DOCK8: variants seen among roughly 807,000 people sequenced by gnomAD.
DOCK8 encodes the protein dedicator of cytokinesis 8.
In DOCK8, 141 loss-of-function variants were observed where a neutral mutation model predicts 245.6. That is an observed-to-expected ratio of 0.57 (90% CI 0.50 to 0.66). The LOEUF is 0.66. Among genes scored for constraint, DOCK8 ranks in the 30% least tolerant of loss-of-function variants. DOCK8 has a pLI of 0.00. For synonymous variants in DOCK8, 1,168 were observed against 970.2 expected, an observed-to-expected ratio of 1.20 and a Z score of -3.79; for missense variants, 2,965 against 2,603.4, an observed-to-expected ratio of 1.14 and a Z score of -3.02.
chr9:400,896 CCCCCACT>C (rs2054994153), intron 26 of DOCK8, among the ~76,000 whole-genome samples: 1 of 110,248 alleles, frequency 9.1e-6, no homozygotes, highest in Admixed American at 9.2e-5. Flanking sequence ...ACCACCACCT[CCCCCACT>C]ACCAACAGCT....
intron 1 of DOCK8, among the ~76,000 whole-genome samples, chr9:226,326 A>G (rs776043739): frequency 9.2e-5 from 14 of 152,190 alleles, no homozygotes; most frequent in African/African-American, 1.4e-4. Flanking sequence ...ATTATCTCGC[A>G]CAACATGTGG....
rs1564078658 is a variant in DOCK8, at chr9:446,442, G to A, written c.5653G>A (p.Glu1885Lys). The A allele has an allele frequency of 6.2e-7, 1 of 1,614,204 alleles. No homozygotes were observed. The highest frequency in any genetic ancestry group is 1.7e-5 in the Admixed American group (1 of 60,024). The change falls in exon 44 of 48, where the codon GAG becomes AAG. Residue 1885 changes from glutamate to lysine, a missense_variant. By Grantham distance (56) the Glu-to-Lys change is moderately conservative (BLOSUM62 1). Coordinates refer to ENST00000432829, the MANE Select transcript of DOCK8 (RefSeq NM_203447.4). ...GATGAAAGACAGGGTCACATACTTT[G>A]AGAAGAATTTCAACCTCCGGAGGTT... ...YEMKDRVTYFEKNFNLRRFMY... is the reference protein window; with the variant it reads ...YEMKDRVTYFKKNFNLRRFMY...
intron 14 of DOCK8, among the ~76,000 whole-genome samples, chr9:349,560 C>T (rs982935286): frequency 6.6e-6 from 1 of 152,174 alleles, no homozygotes. Flanking sequence ...AGAATTACAG[C>T]TTTTAAGCCC....
chr9:347,697 A>C (rs1205620185), intron 14 of DOCK8, among the ~76,000 whole-genome samples: 2 of 152,202 alleles, frequency 1.3e-5, no homozygotes, highest in Non-Finnish European at 2.9e-5. Flanking sequence ...GACAAAGACA[A>C]AGTGAATTTC....
chr9:307,420 A>G (rs899101976), intron 5 of DOCK8, among the ~76,000 whole-genome samples: 12 of 124,078 alleles, frequency 9.7e-5, no homozygotes, highest in African/African-American at 3.4e-4. Flanking sequence ...GTGCAATGGC[A>G]TGATCTCGGC....
At chr9:286,398 G>A (rs1388919792) in intron 2 of DOCK8, 63 bp from the exon 3 acceptor site, 59 of 1,571,446 alleles carry the variant, frequency 3.8e-5, no homozygotes, top group Non-Finnish European at 4.9e-5. Context: ...ATCTACTATT[G>A]CCTTTGTGCT....
chr9:227,048 G>A (rs966419897), intron 1 of DOCK8, among the ~76,000 whole-genome samples: 13 of 152,312 alleles, frequency 8.5e-5, no homozygotes, highest in African/African-American at 2.9e-4. Context: ...ACGCCAATAT[G>A]TCATGAGTGT....
At chr9:364,471 A>G (rs1040892966) in intron 14 of DOCK8, among the ~76,000 whole-genome samples, 2 of 151,948 alleles carry the variant, frequency 1.3e-5, no homozygotes, top group Non-Finnish European at 1.5e-5. Flanking sequence ...TGTCTCTACA[A>G]AAAATTTAAA....
chr9:422,627 A>G (rs1350562110), intron 33 of DOCK8, among the ~76,000 whole-genome samples: 4 of 152,250 alleles, frequency 2.6e-5, no homozygotes, highest in African/African-American at 9.6e-5. Context: ...AAAATGTTTT[A>G]AAATCATCTT....
intron 1 of DOCK8, among the ~76,000 whole-genome samples, chr9:227,220 T>A (rs1034647686): frequency 2.0e-5 from 3 of 152,184 alleles, no homozygotes; most frequent in Non-Finnish European, 4.4e-5. Context: ...TCCATCCTGG[T>A]CAAATGGGAT....
intron 22 of DOCK8, among the ~76,000 whole-genome samples, chr9:385,097 T>A (rs2053895326): frequency 6.6e-6 from 1 of 152,154 alleles, no homozygotes; most frequent in Admixed American, 6.5e-5. Context: ...GATTGCTTAG[T>A]TTTCCAGAAT....
chr9:213,343 G>A (rs1386357378), upstream of DOCK8: 1 of 152,082 alleles, frequency 6.6e-6, no homozygotes, highest in African/African-American at 2.4e-5. Flanking sequence ...GTGGATTTTA[G>A]TATTAGGTGA....
intron 1 of DOCK8, among the ~76,000 whole-genome samples, chr9:258,583 G>T (rs1201822254): frequency 6.9e-6 from 1 of 145,162 alleles, no homozygotes; most frequent in East Asian, 2.1e-4. Context: ...AAAGGAGCCT[G>T]AAGAGACTCT....
intron 13 of DOCK8, 34 bp downstream of exon 13, chr9:339,133 T>C (rs754292509): frequency 1.3e-6 from 2 of 1,554,212 alleles, no homozygotes; most frequent in Non-Finnish European, 1.8e-6. Context: ...TCTTTAGCTG[T>C]GCCAAAACTG....
intron 37 of DOCK8, among the ~76,000 whole-genome samples, 196 bp downstream of exon 37, chr9:432,520 A>C (rs187111784): frequency 6.6e-6 from 1 of 152,284 alleles, no homozygotes; most frequent in East Asian, 1.9e-4. Flanking sequence ...CCCCAGTCTC[A>C]ATATGCTAAC....
At chr9:229,343 A>G (rs1234894840) in intron 1 of DOCK8, among the ~76,000 whole-genome samples, 1 of 152,200 alleles carries the variant, frequency 6.6e-6, no homozygotes, top group East Asian at 1.9e-4. Context: ...AAAGTTACCA[A>G]GTGAGTCATG....
chr9:440,777 C>T (rs2057070619), intron 40 of DOCK8, among the ~76,000 whole-genome samples: 1 of 152,286 alleles, frequency 6.6e-6, no homozygotes, highest in African/African-American at 2.4e-5. Flanking sequence ...CTTGCCTTGT[C>T]ACCCAGGCTG....
chr9:349,137 C>G (rs2052038673), intron 14 of DOCK8, among the ~76,000 whole-genome samples: 1 of 152,122 alleles, frequency 6.6e-6, no homozygotes, highest in African/African-American at 2.4e-5. Context: ...CAGGTAAACC[C>G]CACAGTACAA....
intron 4 of DOCK8, among the ~76,000 whole-genome samples, chr9:299,437 G>GT (rs1245889148): frequency 2.0e-5 from 3 of 151,966 alleles, no homozygotes; most frequent in African/African-American, 7.2e-5. Context: ...AATTTTTTGT[G>GT]TTTTTTGTAG....
Sources: allele counts gnomAD v4.1 joint callset (sites outside exome capture counted in the v4.1 genomes callset), GRCh38; gene constraint gnomAD v4.1.1; transcripts MANE v1.5; gene names NCBI Gene and HGNC (gene_info 2026-07-23, HGNC 2026-07-21).